Variants in SCMH1 observed in about 807,000 individuals in gnomAD.
The protein encoded by SCMH1 is polycomb protein SCMH1.
Under a neutral mutation model 70.8 loss-of-function variants are expected in SCMH1, and 37 were observed. The ratio of observed to expected loss-of-function variants is 0.52; its 90% confidence interval spans 0.40 to 0.69. The LOEUF is 0.69. SCMH1 is among the 30% of genes least tolerant of loss of function. The pLI, the probability that SCMH1 is intolerant of heterozygous loss-of-function variation, is 0.00. For missense variants in SCMH1, 607 were observed against 827.3 expected (o/e 0.73, Z 3.27); for synonymous variants, 292 against 307.4 (o/e 0.95, Z 0.52).
intron 8 of SCMH1, among the ~76,000 whole-genome samples, chr1:41,100,403 C>T (rs1557433060): frequency 6.6e-6 from 1 of 152,092 alleles, no homozygotes; most frequent in African/African-American, 2.4e-5. Context: ...ATCCCCTCAT[C>T]TAGCATGGCC....
intron 2 of SCMH1, among the ~76,000 whole-genome samples, chr1:41,176,456 G>A (rs936683504): frequency 3.3e-5 from 5 of 152,208 alleles, no homozygotes; most frequent in African/African-American, 7.2e-5. Context: ...GCGAGGCATC[G>A]CCTCACCTGG....
chr1:41,086,986 A>G (rs1034672298), intron 8 of SCMH1, among the ~76,000 whole-genome samples: 11 of 152,148 alleles, frequency 7.2e-5, no homozygotes, highest in African/African-American at 2.7e-4. Context: ...GCCTTAGCAG[A>G]CATTAAAATA....
chr1:41,174,633 G>A (rs1218480635), intron 2 of SCMH1, among the ~76,000 whole-genome samples: 1 of 152,058 alleles, frequency 6.6e-6, no homozygotes. Context: ...ATAAATACCA[G>A]CAATAACCAT....
At chr1:41,119,285 C>T (rs757436734) in intron 6 of SCMH1, among the ~76,000 whole-genome samples, 1 of 152,050 alleles carries the variant, frequency 6.6e-6, no homozygotes, top group Non-Finnish European at 1.5e-5. Context: ...ACTTTTAGTC[C>T]CAAAGCTGGC....
intron 8 of SCMH1, among the ~76,000 whole-genome samples, chr1:41,091,045 A>C (rs1369162516): frequency 6.6e-6 from 1 of 150,652 alleles, no homozygotes; most frequent in Non-Finnish European, 1.5e-5. Flanking sequence ...TGTCAAAAAA[A>C]AAAAAAAAAA....
At chr1:41,064,019 GAAC>G (rs1252996545) in intron 10 of SCMH1, among the ~76,000 whole-genome samples, 3 of 152,104 alleles carry the variant, frequency 2.0e-5, no homozygotes, top group African/African-American at 4.8e-5. Flanking sequence ...AAATCAAATT[GAAC>G]AATATAAAAA....
chr1:41,165,520 C>T (rs1165605667), intron 2 of SCMH1, among the ~76,000 whole-genome samples: 1 of 152,090 alleles, frequency 6.6e-6, no homozygotes, highest in Non-Finnish European at 1.5e-5. Flanking sequence ...TATAAAGGTT[C>T]CTTTTTCTTG....
chr1:41,240,333 A>G (rs931359669), intron 1 of SCMH1, among the ~76,000 whole-genome samples: 2 of 152,238 alleles, frequency 1.3e-5, no homozygotes, highest in African/African-American at 4.8e-5. Flanking sequence ...AGGCCATCTC[A>G]TCTCTACTGG....
intron 8 of SCMH1, among the ~76,000 whole-genome samples, chr1:41,081,477 A>C (rs1324733808): frequency 6.6e-6 from 1 of 152,234 alleles, no homozygotes; most frequent in East Asian, 1.9e-4. Context: ...GCTGGAGAAC[A>C]TGCATCATCA....
At chr1:41,078,231 G>C (rs1298827333) in intron 8 of SCMH1, among the ~76,000 whole-genome samples, 2 of 152,104 alleles carry the variant, frequency 1.3e-5, no homozygotes, top group Non-Finnish European at 2.9e-5. Context: ...AAATATATTA[G>C]AGCATTAGAG....
intron 4 of SCMH1, chr1:41,152,605 G>A (rs779040769): frequency 8.7e-6 from 14 of 1,613,966 alleles, no homozygotes; most frequent in Non-Finnish European, 1.1e-5. Flanking sequence ...CCACCTAGAG[G>A]TGACCCCATG....
At chr1:41,039,634 T>C (rs966450077) in intron 12 of SCMH1, among the ~76,000 whole-genome samples, 3 of 108,536 alleles carry the variant, frequency 2.8e-5, no homozygotes, top group South Asian at 6.3e-4. Context: ...GCCCCACTGA[T>C]TTTTTTTTTT....
intron 6 of SCMH1, among the ~76,000 whole-genome samples, chr1:41,131,490 A>G (rs544961092): frequency 1.7e-4 from 26 of 152,298 alleles, no homozygotes; most frequent in African/African-American, 6.0e-4. Flanking sequence ...CTGATAGTTA[A>G]GTGATTTGCA....
At chr1:41,159,799 T>G in intron 4 of SCMH1, 1 of 1,484,308 alleles carries the variant, frequency 6.7e-7, no homozygotes. Flanking sequence ...GTCAGAAGAT[T>G]TGACTTTTAG....
exon 15 of SCMH1, chr1:41,027,602 T>A (rs559264930): frequency 6.6e-6 from 1 of 152,534 alleles, no homozygotes; most frequent in African/African-American, 2.4e-5. Flanking sequence ...GGTAGTGTCC[T>A]CTGAAGAGGG....
At position 41,113,637 on chromosome 1, in the gene SCMH1, A is replaced by C. The variant is rs1669766842; in HGVS notation, c.502-111T>G. ...AAGTGACTGCTACATGAGACTTATA[A>C]TGGATATATAGCCTTTCTTTTAAAT... On this transcript the variant is annotated intron_variant, in intron 7 of 14. Coordinates refer to ENST00000337495, the Ensembl canonical transcript of SCMH1. The surrounding 1 kb of genome is among the most constrained non-coding windows in gnomAD (Gnocchi z 4.3). 1.8e-6 allele frequency: 2 copies of C among 1,083,790 alleles called. No homozygotes were observed. Among genetic ancestry groups the C allele is most frequent in the African/African-American group, 1.6e-5 (1 of 62,528 alleles). The allele number at this position is 1,083,790 out of a possible 1,614,324, so 67.1% of individuals were successfully genotyped here. A position where few individuals can be genotyped will look rare whatever the true frequency, so the allele number is the denominator to read the frequency against.
At chr1:41,160,628 C>G (rs1645934753) in intron 4 of SCMH1, among the ~76,000 whole-genome samples, 1 of 152,034 alleles carries the variant, frequency 6.6e-6, no homozygotes, top group South Asian at 2.1e-4. Context: ...TCCCCTATAC[C>G]CCATGTAATT....
chr1:41,156,877 G>T (rs1320448625), intron 4 of SCMH1, among the ~76,000 whole-genome samples: 1 of 151,288 alleles, frequency 6.6e-6, no homozygotes, highest in Non-Finnish European at 1.5e-5. Flanking sequence ...TGGTGCCCAG[G>T]CTAGTTGCAA....
At chr1:41,234,770 G>T (rs1170201511) in intron 1 of SCMH1, among the ~76,000 whole-genome samples, 1 of 151,816 alleles carries the variant, frequency 6.6e-6, no homozygotes, top group South Asian at 2.1e-4. Flanking sequence ...CACCGCGCCC[G>T]GCAAAACTCT....
Sources: allele counts gnomAD v4.1 joint callset (sites outside exome capture counted in the v4.1 genomes callset), GRCh38; gene constraint gnomAD v4.1.1; non-coding constraint Gnocchi (gnomAD v3.1); transcripts MANE v1.5; gene names NCBI Gene and HGNC (gene_info 2026-07-23, HGNC 2026-07-21).